The following ATP8A2 variants were observed in gnomAD, a reference collection of about 807,000 sequenced individuals.
ATP8A2 encodes phospholipid-transporting ATPase IB.
A neutral mutation model predicts 165.6 loss-of-function variants in ATP8A2; 100 were observed. The ratio of observed to expected loss-of-function variants is 0.60; its 90% CI spans 0.51 to 0.71. ATP8A2 has a LOEUF of 0.71. Ranked by LOEUF, ATP8A2 falls within the 30% of genes least tolerant of loss-of-function variation. The probability of loss-of-function intolerance (pLI) is 0.00; values close to 1 mark genes in which losing one functional copy is unlikely to be tolerated. For synonymous variants in ATP8A2, 543 were observed against 548.8 expected, an observed-to-expected ratio of 0.99 and a Z score of 0.15; for missense variants, 1,227 against 1,479.5, an observed-to-expected ratio of 0.83 and a Z score of 2.80.
intron 35 of ATP8A2, among the ~76,000 whole-genome samples, chr13:25,985,668 C>G (rs906727404): frequency 1.3e-5 from 2 of 152,210 alleles, no homozygotes; most frequent in East Asian, 3.9e-4. Context: ...GTGGAAATAA[C>G]AGGGAGGTGA....
chr13:25,962,565 A>C (rs1955681763), intron 34 of ATP8A2, among the ~76,000 whole-genome samples: 1 of 152,240 alleles, frequency 6.6e-6, no homozygotes, highest in Non-Finnish European at 1.5e-5. Flanking sequence ...TGCTCCAAGT[A>C]AAATAGGACT....
intron 2 of ATP8A2, among the ~76,000 whole-genome samples, chr13:25,473,958 A>T (rs772011036): frequency 2.6e-5 from 4 of 152,232 alleles, no homozygotes; most frequent in Non-Finnish European, 5.9e-5. Context: ...TATCAGACAT[A>T]TGTAATCTTT....
At chr13:25,698,246 A>G (rs7329685) in intron 24 of ATP8A2, among the ~76,000 whole-genome samples, 54,243 of 150,626 alleles carry the variant, frequency 0.36, 10,642 homozygotes, top group Middle Eastern at 0.46. Context: ...TTTTTAAAGA[A>G]ACAGGGTCTC....
chr13:25,421,892 T>G (rs2034310699), intron 1 of ATP8A2, among the ~76,000 whole-genome samples: 1 of 152,234 alleles, frequency 6.6e-6, no homozygotes, highest in Non-Finnish European at 1.5e-5. Flanking sequence ...GAAAGTTCTC[T>G]TTGAGGATAT....
intron 24 of ATP8A2, among the ~76,000 whole-genome samples, chr13:25,624,338 A>G (rs1736643816): frequency 6.6e-6 from 1 of 152,198 alleles, no homozygotes; most frequent in Non-Finnish European, 1.5e-5. Context: ...TTATAAATAC[A>G]GAAGAGGAAA....
intron 1 of ATP8A2, among the ~76,000 whole-genome samples, chr13:25,381,093 G>A (rs1316646903): frequency 2.6e-5 from 4 of 152,024 alleles, no homozygotes; most frequent in South Asian, 2.1e-4. Context: ...GGTTGCTTGC[G>A]TCTTTTAGTA....
chr13:25,645,945 G>A (rs982823546), intron 24 of ATP8A2, among the ~76,000 whole-genome samples: 1 of 152,252 alleles, frequency 6.6e-6, no homozygotes, highest in South Asian at 2.1e-4. Context: ...GGTTTAAAGT[G>A]TTGTTTAAGT....
chr13:25,659,560 G>A (rs536299217), intron 24 of ATP8A2, among the ~76,000 whole-genome samples: 1 of 152,328 alleles, frequency 6.6e-6, no homozygotes, highest in African/African-American at 2.4e-5. Flanking sequence ...AATGCATGAA[G>A]GCAGAGCAAA....
chr13:25,639,743 C>G (rs931245706), intron 24 of ATP8A2, among the ~76,000 whole-genome samples: 1 of 150,296 alleles, frequency 6.7e-6, no homozygotes, highest in African/African-American at 2.5e-5. Flanking sequence ...CAGCTGTGCA[C>G]CAAGTGGACT....
At chr13:25,576,062 A>G (rs2039609674) in intron 19 of ATP8A2, among the ~76,000 whole-genome samples, 3 of 152,166 alleles carry the variant, frequency 2.0e-5, no homozygotes, top group Non-Finnish European at 2.9e-5. Flanking sequence ...AATCTTGATA[A>G]TACTCCCGCG....
At chr13:25,744,492 G>A (rs1165395914) in intron 25 of ATP8A2, among the ~76,000 whole-genome samples, 1 of 152,202 alleles carries the variant, frequency 6.6e-6, no homozygotes, top group Non-Finnish European at 1.5e-5. Context: ...ACTAAAGCGG[G>A]GGGAGGGGAG....
intron 24 of ATP8A2, among the ~76,000 whole-genome samples, chr13:25,640,100 A>C (rs897251426): frequency 1.3e-5 from 2 of 152,246 alleles, no homozygotes; most frequent in African/African-American, 4.8e-5. Context: ...ACACATTTAA[A>C]GCAGTGTGTA....
Position 25,382,997 on chromosome 13 carries a change from T to C in ATP8A2, c.76+10709T>C, listed in dbSNP as rs372077823. ...GTCTCCATCTCCTGACTTCGTGATCTGCCCACCTTGGCCTCCCAAAGTGCT... is the reference window on the plus strand; with the variant it reads ...GTCTCCATCTCCTGACTTCGTGATCCGCCCACCTTGGCCTCCCAAAGTGCT... On this transcript the variant is annotated intron_variant, in intron 1 of 36. Transcript: ENST00000381655. Among the ~76,000 whole-genome samples, 654 of 151,286 alleles carry C rather than the reference T, an allele frequency of 4.3e-3. 6 individuals carry two copies. The highest frequency in any genetic ancestry group is 0.014 in the African/African-American group (585 of 41,166).
intron 24 of ATP8A2, among the ~76,000 whole-genome samples, chr13:25,680,840 A>G (rs1204525280): frequency 6.6e-6 from 1 of 152,154 alleles, no homozygotes; most frequent in Non-Finnish European, 1.5e-5. Context: ...ATTTGGGTTT[A>G]GGTTGTACTT....
At chr13:25,949,741 C>T (rs78823294) in intron 33 of ATP8A2, among the ~76,000 whole-genome samples, 1,855 of 152,260 alleles carry the variant, frequency 0.012, 26 homozygotes, top group Non-Finnish European at 0.021. Context: ...AGAGACTGCA[C>T]GTGTGTCTTC....
chr13:25,401,155 C>T (rs2033624453), intron 1 of ATP8A2, among the ~76,000 whole-genome samples: 2 of 152,070 alleles, frequency 1.3e-5, no homozygotes, highest in South Asian at 4.2e-4. Context: ...CTTAACTCCT[C>T]CGAGACGCAG....
At chr13:25,779,776 C>T (rs2044830330) in intron 27 of ATP8A2, among the ~76,000 whole-genome samples, 1 of 152,154 alleles carries the variant, frequency 6.6e-6, no homozygotes, top group Non-Finnish European at 1.5e-5. Context: ...ATTTTTAAAA[C>T]TCTTTGATGT....
At chr13:25,511,216 T>G (rs2037213624) in intron 2 of ATP8A2, among the ~76,000 whole-genome samples, 1 of 145,338 alleles carries the variant, frequency 6.9e-6, no homozygotes, top group Non-Finnish European at 1.6e-5. Context: ...GCCTTGTTCT[T>G]CTCCTTAAAC....
In ATP8A2 at chr13:25,575,685, C is replaced by T. The variant is rs114005177; in HGVS notation, c.1712+828C>T. Among the ~76,000 whole-genome samples, 1,103 of 152,106 alleles carry T rather than the reference C, an allele frequency of 7.3e-3. 17 individuals are homozygous for T. Among genetic ancestry groups the T allele is most frequent in the African/African-American group, 0.026 (1,068 of 41,504 alleles). ...TCTTTAGTTTTAGGTTTGCAGGCATCGACTTGGAACCATGGGGAGGGGAGG... is the reference window on the plus strand; with the variant it reads ...TCTTTAGTTTTAGGTTTGCAGGCATTGACTTGGAACCATGGGGAGGGGAGG... On this transcript the variant is annotated intron_variant, in intron 19 of 36. Coordinates refer to ENST00000381655, the MANE Select transcript of ATP8A2 (RefSeq NM_016529.6).
Sources: allele counts gnomAD v4.1 joint callset (sites outside exome capture counted in the v4.1 genomes callset), GRCh38; gene constraint gnomAD v4.1.1; transcripts MANE v1.5; gene names NCBI Gene and HGNC (gene_info 2026-07-23, HGNC 2026-07-21).